The following CYB5B variants were observed in gnomAD, a reference collection of about 807,000 sequenced individuals.
The protein encoded by CYB5B is cytochrome b5 type B (outer mitochondrial membrane).
CYB5B carries 14 observed loss-of-function variants against 21.3 expected under a neutral mutation model. The ratio of observed to expected loss-of-function variants is 0.66; its 90% CI spans 0.43 to 1.03. CYB5B has a LOEUF of 1.03. Among genes scored for constraint, CYB5B ranks in the 50% least tolerant of loss-of-function variants. CYB5B has a pLI of 0.00. For synonymous variants in CYB5B, 69 were observed against 68.4 expected, an observed-to-expected ratio of 1.01 and a Z score of -0.04; for missense variants, 166 against 185.1, an observed-to-expected ratio of 0.90 and a Z score of 0.60.
chr16:69,442,332 T>A (rs577929231), intron 1 of CYB5B, among the ~76,000 whole-genome samples: 40 of 152,234 alleles, frequency 2.6e-4, no homozygotes, highest in Non-Finnish European at 5.1e-4. Flanking sequence ...TGCCTCTCAT[T>A]TCTAGAGTCA....
chr16:69,460,521 A>G (rs183253863), intron 4 of CYB5B, among the ~76,000 whole-genome samples: 5 of 152,322 alleles, frequency 3.3e-5, no homozygotes, highest in Admixed American at 2.6e-4. Flanking sequence ...AAATTTTGCA[A>G]ATAAGAGTTG....
In CYB5B at chr16:69,458,905, G is replaced by A. The variant is rs542338163; in HGVS notation, c.334-188G>A. On this transcript the variant is annotated intron_variant, in intron 3 of 4. Coordinates refer to ENST00000307892, the MANE Select transcript of CYB5B (RefSeq NM_030579.3). Reference sequence around the variant, plus strand: ...AAGGAACCTAGTGAAGTGCCAGTATGTTATCAGAAATAAAATTCCCAGTCT... The same window carrying A: ...AAGGAACCTAGTGAAGTGCCAGTATATTATCAGAAATAAAATTCCCAGTCT... Among the ~76,000 whole-genome samples, 14 of 152,170 alleles carry A rather than the reference G, an allele frequency of 9.2e-5. No homozygotes were observed. The South Asian group carries it at 1.9e-3, about 20-fold the overall frequency.
rs182356830 is a variant in CYB5B, at chr16:69,451,297, C to G, written c.333+3153C>G. Reference sequence around the variant, plus strand: ...ACCTTAGAAACAGACTCAGTGCTCTCTGTGCCAGTTTGCCTGCCTGCTTGC... The same window carrying G: ...ACCTTAGAAACAGACTCAGTGCTCTGTGTGCCAGTTTGCCTGCCTGCTTGC... On this transcript the variant is annotated intron_variant, in intron 3 of 4. Coordinates refer to ENST00000307892, the MANE Select transcript of CYB5B (RefSeq NM_030579.3). Among the ~76,000 whole-genome samples the G allele has an allele frequency of 5.5e-4, 84 of 152,284 alleles. 2 individuals carry two copies. In the East Asian group the frequency reaches 0.015, roughly 27 times the overall value.
In CYB5B at chr16:69,464,689, T is replaced by G. The variant is rs1426092680; in HGVS notation, c.*2169T>G. Reference sequence around the variant, plus strand: ...CTACCATCTTAAGTAAAATTGGTGTTTTTGTTATTTTTAAGGTAAATGCCA... The same window carrying G: ...CTACCATCTTAAGTAAAATTGGTGTGTTTGTTATTTTTAAGGTAAATGCCA... On this transcript the variant is annotated 3_prime_UTR_variant, in exon 5 of 5. Coordinates refer to ENST00000307892, the MANE Select transcript of CYB5B (RefSeq NM_030579.3). 1 of 152,672 alleles carries G rather than the reference T, an allele frequency of 6.5e-6. No individual in the cohort carries two copies. Among genetic ancestry groups the G allele is most frequent in the Non-Finnish European group, 1.5e-5 (1 of 68,030 alleles). The allele number at this position is 152,672 out of a possible 1,614,324, so 9.5% of individuals were successfully genotyped here. A position where few individuals can be genotyped will look rare whatever the true frequency, so the allele number is the denominator to read the frequency against.
chr16:69,459,534 A>C (rs1490909812), intron 4 of CYB5B: 1 of 156,914 alleles, frequency 6.4e-6, no homozygotes, highest in Non-Finnish European at 1.4e-5. Context: ...ATATTGCAGG[A>C]GAAAAAAATA....
At chr16:69,436,445 A>G (rs1480235961) in intron 1 of CYB5B, among the ~76,000 whole-genome samples, 1 of 152,166 alleles carries the variant, frequency 6.6e-6, no homozygotes, top group African/African-American at 2.4e-5. Flanking sequence ...CCTGGCAGCC[A>G]GCTGGTTTGC....
intron 1 of CYB5B, among the ~76,000 whole-genome samples, chr16:69,437,101 T>C (rs962991374): frequency 6.6e-6 from 1 of 152,240 alleles, no homozygotes; most frequent in Admixed American, 6.5e-5. Flanking sequence ...CACAATTTCC[T>C]TTGTAGCTGT....
intron 3 of CYB5B, among the ~76,000 whole-genome samples, chr16:69,455,724 CTCTTAA>C (rs2014978075): frequency 6.6e-6 from 1 of 151,962 alleles, no homozygotes; most frequent in Non-Finnish European, 1.5e-5. Context: ...TTTTGTCATT[CTCTTAA>C]TCTTATCAAA....
At chr16:69,447,375 C>T (rs954294081) in intron 2 of CYB5B, 97 bp downstream of exon 2, 44 of 1,492,190 alleles carry the variant, frequency 2.9e-5, no homozygotes, top group Middle Eastern at 1.8e-4. Context: ...GGCGTGGTGG[C>T]TCACACCTGT....
intron 1 of CYB5B, chr16:69,443,137 C>T (rs147016866): frequency 0.027 from 4,088 of 151,694 alleles, 71 homozygotes; most frequent in East Asian, 0.046. Context: ...GGTTTCACCA[C>T]GTTGGCCAGG....
intron 1 of CYB5B, among the ~76,000 whole-genome samples, chr16:69,437,954 C>T (rs28674915): frequency 0.17 from 26,360 of 152,078 alleles, 2,406 homozygotes; most frequent in Middle Eastern, 0.25. Context: ...GTTAAGCATA[C>T]AGTTCAATGG....
chr16:69,424,794 C>T lies in CYB5B; in HGVS notation c.111C>T (p.Ser37=). 6.2e-7 allele frequency: 1 copy of T among 1,609,138 alleles called. No homozygotes were observed. Among genetic ancestry groups the T allele is most frequent in the East Asian group, 2.3e-5 (1 of 44,248 alleles). ...YRLEEVAKRN[S]LKELWLVIHG... The stretch of plus-strand genomic sequence containing the variant: ...TGGAGGAGGTGGCAAAGCGCAACTC[C>T]TTGAAGGAACTGTGGCTTGTGATCC... The change falls in exon 1 of 5, where the codon TCC becomes TCT. Residue 37 remains serine, a synonymous_variant. Transcript: ENST00000307892.
intron 1 of CYB5B, among the ~76,000 whole-genome samples, chr16:69,426,323 C>T (rs1299898395): frequency 6.7e-6 from 1 of 149,402 alleles, no homozygotes; most frequent in East Asian, 2.0e-4. Context: ...GGCGTGAACC[C>T]GGGAGGTGGC....
At chr16:69,430,940 TG>T (rs2014699742) in intron 1 of CYB5B, among the ~76,000 whole-genome samples, 1 of 152,164 alleles carries the variant, frequency 6.6e-6, no homozygotes, top group South Asian at 2.1e-4. Flanking sequence ...CCCAAAGTGC[TG>T]GGATTACAGG....
At chr16:69,445,761 C>A (rs535171146) in intron 1 of CYB5B, among the ~76,000 whole-genome samples, 1 of 151,958 alleles carries the variant, frequency 6.6e-6, no homozygotes, top group Non-Finnish European at 1.5e-5. Flanking sequence ...ATTGGGAGTT[C>A]GAGACCAACA....
intron 1 of CYB5B, among the ~76,000 whole-genome samples, chr16:69,444,736 T>A (rs2014860650): frequency 6.6e-6 from 1 of 151,560 alleles, no homozygotes; most frequent in African/African-American, 2.4e-5. Context: ...CACAAAAAAC[T>A]TTTATTTATC....
chr16:69,426,770 C>T (rs117938415), intron 1 of CYB5B, among the ~76,000 whole-genome samples: 4,830 of 144,140 alleles, frequency 0.034, 101 homozygotes, highest in Non-Finnish European at 0.049. Flanking sequence ...AACAGAGGTA[C>T]AAGTAACAGG....
At chr16:69,438,368 A>C (rs1303090972) in intron 1 of CYB5B, among the ~76,000 whole-genome samples, 1 of 152,214 alleles carries the variant, frequency 6.6e-6, no homozygotes, top group Non-Finnish European at 1.5e-5. Flanking sequence ...TTGGTGTACA[A>C]GTATCTGTGT....
At chr16:69,441,993 T>C (rs1306456667) in intron 1 of CYB5B, among the ~76,000 whole-genome samples, 1 of 152,232 alleles carries the variant, frequency 6.6e-6, no homozygotes, top group African/African-American at 2.4e-5. Flanking sequence ...TTGCTCTTCA[T>C]GTCATCCTGT....
Sources: gnomAD v4.1 joint callset for allele counts (sites outside exome capture counted in the v4.1 genomes callset) on GRCh38, gnomAD v4.1.1 for gene constraint, MANE v1.5 for transcripts, NCBI Gene and HGNC (gene_info 2026-07-23, HGNC 2026-07-21) for gene names.